The following NME8 variants were observed in gnomAD, a reference collection of about 807,000 sequenced individuals.
NME8 encodes the protein NME/NM23 family member 8.
In NME8, 72 loss-of-function variants were observed where a neutral mutation model predicts 82.3. The ratio of observed to expected loss-of-function variants is 0.87; its 90% confidence interval spans 0.72 to 1.06. The LOEUF (loss-of-function observed/expected upper bound fraction) is 1.06, where lower values mean the gene tolerates loss of function less well. NME8 is among the 50% of genes least tolerant of loss of function. The pLI is 0.00. For missense variants in NME8, 712 were observed against 685.4 expected, an observed-to-expected ratio of 1.04 and a Z score of -0.43; for synonymous variants, 267 against 228.5, an observed-to-expected ratio of 1.17 and a Z score of -1.52.
chr7:37,868,031 C>T, intron 11 of NME8, 133 bp downstream of exon 11: 1 of 761,176 alleles, frequency 1.3e-6, no homozygotes, highest in Admixed American at 2.0e-5. Context: ...GTCAACCTAA[C>T]ATACTGTATA....
intron 8 of NME8, 57 bp from the exon 9 acceptor site, chr7:37,864,291 T>G: frequency 6.5e-7 from 1 of 1,544,248 alleles, no homozygotes. Flanking sequence ...GATCCTTCAT[T>G]ATCCAGACTT....
chr7:37,850,307 T>G lies in NME8; in HGVS notation c.33+8T>G, dbSNP rs1554360728. ...CGAGAAGTCCAGTTACAGGTGGGTC[T>G]GACATATCAACAATTCTTTATCTGG... is the stretch of plus-strand genomic sequence containing the variant. On this transcript the variant is annotated splice_region_variant and intron_variant, in intron 3 of 17. Transcript: ENST00000199447. 1 of 1,614,190 alleles carries G rather than the reference T, an allele frequency of 6.2e-7. No homozygotes were observed. The highest frequency in any genetic ancestry group is 2.2e-5 in the East Asian group (1 of 44,892).
chr7:37,882,546 G>GGAAAGAAAGAAAGAAAGAGA (rs1784962909), intron 12 of NME8, among the ~76,000 whole-genome samples: 1 of 102,016 alleles, frequency 9.8e-6, no homozygotes, highest in Non-Finnish European at 2.1e-5. Context: ...AGGGAGGAAG[G>GGAAAGAAAGAAAGAAAGAGA]GAAAGAAAGA....
In NME8 at chr7:37,864,258, G is replaced by A. The variant is rs962007132; in HGVS notation, c.455-90G>A. ...ATGGGCAACAATTAACTGATCATTAGAAATTTACATTGCTAATTGCCAGAT... is the reference window on the plus strand; with the variant it reads ...ATGGGCAACAATTAACTGATCATTAAAAATTTACATTGCTAATTGCCAGAT... On this transcript the variant is annotated intron_variant, in intron 8 of 17. Coordinates refer to ENST00000199447, the MANE Select transcript of NME8 (RefSeq NM_016616.5). 3 of 1,453,210 alleles carry A rather than the reference G, an allele frequency of 2.1e-6. No homozygotes were observed. In the Admixed American group the frequency reaches 6.0e-5, roughly 29 times the overall value. 90.0% of individuals were successfully genotyped at this position (1,453,210 alleles called of 1,614,324 possible). A position where few individuals can be genotyped will look rare whatever the true frequency, so the allele number is the denominator to read the frequency against.
At chr7:37,881,488 A>G (rs1345060440) in intron 12 of NME8, among the ~76,000 whole-genome samples, 2 of 152,196 alleles carry the variant, frequency 1.3e-5, no homozygotes, top group Non-Finnish European at 2.9e-5. Flanking sequence ...CCACCCTGGC[A>G]TACTTGGAAT....
rs932880025 is a variant in NME8 at position 37,848,807 on chromosome 7, C to T, written c.-240-17C>T. The T allele has an allele frequency of 6.6e-6, 1 of 152,254 alleles. No homozygotes were observed. Among genetic ancestry groups the T allele is most frequent in the African/African-American group, 2.4e-5 (1 of 41,442 alleles). The allele number at this position is 152,254 out of a possible 1,614,324, so 9.4% of individuals were successfully genotyped here. A position where few individuals can be genotyped will look rare whatever the true frequency, so the allele number is the denominator to read the frequency against. Reference sequence around the variant, plus strand: ...CAGATGGGTTGGACAAAACATTGCCCCCCTTCTTCTTCCCAGACAGGCAGG... The same window carrying T: ...CAGATGGGTTGGACAAAACATTGCCTCCCTTCTTCTTCCCAGACAGGCAGG... On this transcript the variant is annotated splice_polypyrimidine_tract_variant and intron_variant, in intron 1 of 17. Transcript: ENST00000199447.
chr7:37,862,167 G>A (rs1277722882), intron 7 of NME8, 23 bp downstream of exon 7: 1 of 1,456,534 alleles, frequency 6.9e-7, no homozygotes, highest in Admixed American at 1.7e-5. Context: ...ATTAACAACA[G>A]TTTGAAGACA....
intron 11 of NME8, among the ~76,000 whole-genome samples, chr7:37,873,164 A>T (rs1006780263): frequency 6.6e-6 from 1 of 152,176 alleles, no homozygotes; most frequent in African/African-American, 2.4e-5. Flanking sequence ...GCTCAAGACC[A>T]GCCTGGCCAA....
intron 7 of NME8, among the ~76,000 whole-genome samples, chr7:37,863,042 C>A (rs1304978119): frequency 6.6e-6 from 1 of 152,030 alleles, no homozygotes; most frequent in Non-Finnish European, 1.5e-5. Context: ...ATCGCTTGAA[C>A]CCAGGAGGCA....
In NME8 at chr7:37,884,383, C is replaced by G. The variant is rs1785009462; in HGVS notation, c.1075C>G (p.Gln359Glu). 3 of 1,608,948 alleles carry G rather than the reference C, an allele frequency of 1.9e-6. No individual in the cohort carries two copies. Among genetic ancestry groups the G allele is most frequent in the South Asian group, 1.1e-5 (1 of 90,968 alleles). ...RQVVLSEKEA[Q>E]ALCKEYENED... The stretch of plus-strand genomic sequence containing the variant: ...AGTAGTATTATCGGAAAAAGAAGCA[C>G]AAGCACTGTGCAAGGAATATGAAAA... The change falls in exon 13 of 18, where the codon CAA becomes GAA. Residue 359 changes from glutamine (Q) to glutamate (E), a missense_variant. By Grantham distance (29) the Gln-to-Glu change is conservative. Transcript: ENST00000199447.
intron 7 of NME8, among the ~76,000 whole-genome samples, chr7:37,862,505 T>C (rs77201339): frequency 6.6e-6 from 1 of 152,150 alleles, no homozygotes; most frequent in Non-Finnish European, 1.5e-5. Context: ...TCTTTTTTTT[T>C]GTTTTTAAAT....
chr7:37,898,411 A>T (rs1480620998), intron 17 of NME8, among the ~76,000 whole-genome samples: 1 of 152,218 alleles, frequency 6.6e-6, no homozygotes, highest in Non-Finnish European at 1.5e-5. Flanking sequence ...TCAAACATAT[A>T]CTTGTACAGT....
chr7:37,872,921 A>T (rs77375472), intron 11 of NME8, among the ~76,000 whole-genome samples: 6,259 of 152,242 alleles, frequency 0.041, 181 homozygotes, highest in African/African-American at 0.06. Flanking sequence ...GGGAAGAAAC[A>T]CTGCACACTG....
chr7:37,888,838 A>C (rs1785083578), intron 15 of NME8, among the ~76,000 whole-genome samples: 1 of 151,674 alleles, frequency 6.6e-6, no homozygotes, highest in South Asian at 2.1e-4. Flanking sequence ...ACGCTATTGG[A>C]TACTATTTGC....
intron 11 of NME8, among the ~76,000 whole-genome samples, chr7:37,870,592 A>T (rs1468464117): frequency 6.7e-6 from 1 of 148,162 alleles, no homozygotes; most frequent in African/African-American, 2.6e-5. Context: ...CCATCTCAAA[A>T]AAAAAAAAAA....
chr7:37,895,603 A>G (rs1785214702), intron 16 of NME8, among the ~76,000 whole-genome samples: 1 of 152,114 alleles, frequency 6.6e-6, no homozygotes, highest in Admixed American at 6.6e-5. Flanking sequence ...TGTCTTTTCT[A>G]TTTTATATAT....
chr7:37,894,698 C>T (rs748814371), intron 16 of NME8, 88 bp downstream of exon 16: 76 of 1,235,570 alleles, frequency 6.2e-5, no homozygotes, highest in Admixed American at 2.0e-4. Context: ...TTAATTAAAA[C>T]ATTTCATCTA....
chr7:37,854,568 A>G (rs1485248186), intron 5 of NME8, among the ~76,000 whole-genome samples: 2 of 152,198 alleles, frequency 1.3e-5, no homozygotes, highest in Non-Finnish European at 2.9e-5. Flanking sequence ...TGCCCATATC[A>G]TAGAAGGGTC....
intron 6 of NME8, among the ~76,000 whole-genome samples, chr7:37,858,085 GA>G (rs1273742028): frequency 6.6e-6 from 1 of 152,062 alleles, no homozygotes; most frequent in Admixed American, 6.6e-5. Flanking sequence ...TGAATAATTA[GA>G]AAGACATAAA....
Sources: gnomAD v4.1 joint callset for allele counts (sites outside exome capture counted in the v4.1 genomes callset) on GRCh38, gnomAD v4.1.1 for gene constraint, MANE v1.5 for transcripts, NCBI Gene and HGNC (gene_info 2026-07-23, HGNC 2026-07-21) for gene names.